The following MROH9 variants were observed in gnomAD, a reference collection of about 807,000 sequenced individuals.
MROH9 encodes the protein maestro heat like repeat family member 9.
A neutral mutation model predicts 98.2 loss-of-function variants in MROH9; 92 were observed. That is an observed-to-expected ratio of 0.94 (90% CI 0.79 to 1.11). The LOEUF (loss-of-function observed/expected upper bound fraction) is 1.11, where lower values mean the gene tolerates loss of function less well. Among genes scored for constraint, MROH9 ranks in the 50% most tolerant of loss-of-function variants. The pLI, the probability that MROH9 is intolerant of heterozygous loss-of-function variation, is 0.00. For missense variants in MROH9, 1,057 were observed against 1,014.8 expected, an observed-to-expected ratio of 1.04 and a Z score of -0.57; for synonymous variants, 397 against 368.9, an observed-to-expected ratio of 1.08 and a Z score of -0.87.
intron 20 of MROH9, among the ~76,000 whole-genome samples, chr1:171,061,053 C>T (rs66776875): frequency 5.1e-4 from 78 of 152,050 alleles, no homozygotes; most frequent in African/African-American, 1.5e-3. Flanking sequence ...ATATATACAC[C>T]GGCAAGAGAC....
Position 171,044,972 on chromosome 1 carries a change from C to CTTTTTT in MROH9, c.2282-17118_2282-17113dup, listed in dbSNP as rs754332732. Among the ~76,000 whole-genome samples, 302 of 45,706 alleles carry CTTTTTT rather than the reference C, an allele frequency of 6.6e-3. 55 individuals are homozygous for CTTTTTT. Among genetic ancestry groups the CTTTTTT allele is most frequent in the Middle Eastern group, 0.012 (1 of 82 alleles). 30.0% of individuals were successfully genotyped at this position (45,706 alleles called of 152,430 possible). Reference sequence around the variant, plus strand: ...CAATTCCATTTATTTCTGCTCTGATCTTTTTTTTTTTTTTTTTTTTTTTTT... The same window carrying CTTTTTT: ...CAATTCCATTTATTTCTGCTCTGATCTTTTTTTTTTTTTTTTTTTTTTTTTTTTTTT... On this transcript the variant is annotated intron_variant, in intron 20 of 21. Transcript: ENST00000367759.
At chr1:170,958,056 G>A (rs549302826) in intron 3 of MROH9, among the ~76,000 whole-genome samples, 2 of 151,954 alleles carry the variant, frequency 1.3e-5, no homozygotes, top group Non-Finnish European at 2.9e-5. Flanking sequence ...TGGTCCCCCC[G>A]CCTCGGCCTC....
chr1:170,984,677 C>T (rs1651061795), intron 9 of MROH9, among the ~76,000 whole-genome samples: 1 of 152,124 alleles, frequency 6.6e-6, no homozygotes, highest in African/African-American at 2.4e-5. Context: ...GGTTGGTGTC[C>T]TTGCTTATCT....
chr1:171,015,791 G>A (rs1487931908), intron 16 of MROH9, among the ~76,000 whole-genome samples: 1 of 152,002 alleles, frequency 6.6e-6, no homozygotes, highest in Non-Finnish European at 1.5e-5. Flanking sequence ...GCTTTCAAAG[G>A]GACATCACTA....
intron 3 of MROH9, among the ~76,000 whole-genome samples, chr1:170,956,445 G>A (rs1159090836): frequency 1.3e-5 from 2 of 152,090 alleles, no homozygotes; most frequent in Non-Finnish European, 2.9e-5. Context: ...ACCCATCCAT[G>A]AGCATGGGAT....
intron 12 of MROH9, among the ~76,000 whole-genome samples, chr1:170,994,373 A>T (rs908188496): frequency 1.3e-5 from 2 of 152,138 alleles, no homozygotes; most frequent in Non-Finnish European, 2.9e-5. Flanking sequence ...AAAAGTACAT[A>T]TGTTATTATT....
At chr1:171,017,207 C>T (rs1193818691) in intron 17 of MROH9, among the ~76,000 whole-genome samples, 1 of 152,182 alleles carries the variant, frequency 6.6e-6, no homozygotes. Flanking sequence ...AGATGCAAAT[C>T]CCAAACAGCA....
chr1:170,966,338 C>T (rs1650234383), intron 7 of MROH9, among the ~76,000 whole-genome samples: 1 of 152,050 alleles, frequency 6.6e-6, no homozygotes, highest in Non-Finnish European at 1.5e-5. Flanking sequence ...TCTCAAAAAC[C>T]TTATACTACC....
chr1:170,989,818 AGGAGATTCT>A, intron 10 of MROH9, 28 bp from the exon 11 acceptor site: 1 of 1,568,906 alleles, frequency 6.4e-7, no homozygotes, highest in Non-Finnish European at 8.7e-7. Flanking sequence ...ACCATGGAAC[AGGAGATTCT>A]TGTTTACCTG....
At chr1:170,951,056 G>C (rs1649536170) in intron 3 of MROH9, among the ~76,000 whole-genome samples, 1 of 151,968 alleles carries the variant, frequency 6.6e-6, no homozygotes, top group South Asian at 2.1e-4. Flanking sequence ...ATGTGGATTT[G>C]AAGGAATTTT....
intron 17 of MROH9, among the ~76,000 whole-genome samples, chr1:171,021,918 C>A (rs1376869682): frequency 2.0e-5 from 3 of 149,978 alleles, no homozygotes; most frequent in African/African-American, 7.4e-5. Context: ...AAAAAAATGA[C>A]CCCATCAAAA....
chr1:170,970,738 G>A (rs1222662664), intron 7 of MROH9, among the ~76,000 whole-genome samples: 11 of 126,778 alleles, frequency 8.7e-5, no homozygotes, highest in Admixed American at 6.1e-4. Flanking sequence ...GTGTGAGAGA[G>A]AGAGAGAGAG....
At chr1:170,993,345 T>A (rs1017219331) in intron 12 of MROH9, among the ~76,000 whole-genome samples, 1 of 152,204 alleles carries the variant, frequency 6.6e-6, no homozygotes, top group African/African-American at 2.4e-5. Context: ...TTGTTTGCAT[T>A]GACATTCCTT....
rs975100395 is a variant in MROH9 at position 171,000,460 on chromosome 1, C to T, written c.1596+2186C>T. On this transcript the variant is annotated intron_variant, in intron 15 of 21. Coordinates refer to ENST00000367759, the MANE Select transcript of MROH9 (RefSeq NM_001163629.2). ...GTTTTAATCATAAAGGGATGCTGGA[C>T]TTTGTCGAATGCTTTTTCTGCATCT... Among the ~76,000 whole-genome samples the T allele has an allele frequency of 3.3e-5, 5 of 151,976 alleles. No individual in the cohort carries two copies. The East Asian group carries it at 9.7e-4, about 29-fold the overall frequency.
rs780240590 is a variant in MROH9, at chr1:170,992,238, T to C, written c.1103T>C (p.Leu368Ser). ...CCTCACGTGCTGAAGACAATCTTATTGATACTGAAAGGAAAGCCTGGGGAA... is the reference window on the plus strand; with the variant it reads ...CCTCACGTGCTGAAGACAATCTTATCGATACTGAAAGGAAAGCCTGGGGAA... ...VAPHVLKTIL[L>S]ILKGKPGEME... The change falls in exon 12 of 22, where the codon TTG (leucine) becomes TCG (serine). Residue 368 changes from leucine to serine, a missense_variant. By Grantham distance (145) the Leu-to-Ser change is moderately radical. Transcript: ENST00000367759. 1 of 1,613,552 alleles carries C rather than the reference T, an allele frequency of 6.2e-7. No individual in the cohort carries two copies. Among genetic ancestry groups the C allele is most frequent in the Non-Finnish European group, 8.5e-7 (1 of 1,179,676 alleles).
chr1:170,941,283 A>AT (rs1172288965), intron 1 of MROH9, among the ~76,000 whole-genome samples: 2 of 152,166 alleles, frequency 1.3e-5, no homozygotes, highest in African/African-American at 2.4e-5. Context: ...CACAGTATAA[A>AT]TTTTGGTAGT....
chr1:171,033,818 A>T (rs1017924932), intron 20 of MROH9, among the ~76,000 whole-genome samples: 1 of 152,194 alleles, frequency 6.6e-6, no homozygotes, highest in Non-Finnish European at 1.5e-5. Context: ...TGAGCAAGTG[A>T]TATCCCTGAA....
At chr1:170,975,120 TAACCCA>T (rs1469818833) in intron 8 of MROH9, among the ~76,000 whole-genome samples, 1 of 151,990 alleles carries the variant, frequency 6.6e-6, no homozygotes. Context: ...GACAAATTTT[TAACCCA>T]ATCATAATAA....
chr1:170,983,289 G>A (rs1380321609), intron 8 of MROH9, 133 bp from the exon 9 acceptor site: 1 of 611,696 alleles, frequency 1.6e-6, no homozygotes, highest in Non-Finnish European at 2.8e-6. Context: ...ACTAAACTAT[G>A]AGCAGAGAGT....
Sources: gnomAD v4.1 joint callset for allele counts (sites outside exome capture counted in the v4.1 genomes callset) on GRCh38, gnomAD v4.1.1 for gene constraint, MANE v1.5 for transcripts, NCBI Gene and HGNC (gene_info 2026-07-23, HGNC 2026-07-21) for gene names.